The following PIGO variants were observed in gnomAD, a reference collection of about 807,000 sequenced individuals.
PIGO encodes phosphatidylinositol glycan anchor biosynthesis class O.
In PIGO, 66 loss-of-function variants were observed where a neutral mutation model predicts 86.9. The ratio of observed to expected loss-of-function variants is 0.76; its 90% CI spans 0.62 to 0.93. PIGO has a LOEUF of 0.93. Ranked by LOEUF, PIGO falls within the 40% of genes least tolerant of loss-of-function variation. The pLI is 0.00. For synonymous variants in PIGO, 570 were observed against 556.4 expected (o/e 1.02, Z -0.34); for missense variants, 1,202 against 1,359.1 (o/e 0.88, Z 1.82).
rs148186264 is a variant in PIGO at position 35,093,966 on chromosome 9, G to A, written c.714C>T (p.Gly238=). 6,197 of 1,614,138 alleles carry A rather than the reference G, an allele frequency of 3.8e-3. 15 individuals carry two copies. Among genetic ancestry groups the A allele is most frequent in the Non-Finnish European group, 4.8e-3 (5,657 of 1,180,018 alleles). The change falls in exon 4 of 11, where the codon GGC becomes GGT. Residue 238 remains glycine (G), a synonymous_variant. Coordinates refer to ENST00000378617, the MANE Select transcript of PIGO (RefSeq NM_032634.4). ...IAHFLGVDHC[G]HKHGPHHPEM... ...CAGGGTGGTGAGGGCCATGCTTGTG[G>A]CCACAGTGGTCCACACCCAGGAAGT...
In PIGO at chr9:35,091,400, C is replaced by A. The variant is rs763623508; in HGVS notation, c.2487G>T (p.Gly829=). The A allele has an allele frequency of 9.5e-5, 154 of 1,614,194 alleles. 2 individuals are homozygous for A. In the South Asian group the frequency reaches 1.6e-3, roughly 16 times the overall value. ...GPLTVAAYQL[G]SVYSAAMVTA... ...TGACCATAGCAGCTGAGTAGACACT[C>A]CCCAACTGATAAGCAGCCACAGTCA... Residue 829 remains glycine (G), a synonymous_variant, in exon 7 of 11, where the codon GGG becomes GGT. Transcript: ENST00000378617.
intron 1 of PIGO, 45 bp from the exon 2 acceptor site, chr9:35,095,611 C>T (rs1829637714): frequency 2.0e-6 from 3 of 1,469,570 alleles, no homozygotes; most frequent in African/African-American, 2.8e-5. Flanking sequence ...GGGCAAAGAA[C>T]CAGTGGATAT....
rs769616849 is a variant in PIGO, at chr9:35,093,128, C to T, written c.1021G>A (p.Gly341Arg). Residue 341 changes from glycine (G) to arginine (R), a missense_variant, in exon 6 of 11, where the codon GGG becomes AGG. Physicochemically the swap from Gly to Arg is moderately radical, Grantham distance 125. Transcript: ENST00000378617. ...LGLPIPFGNI[G>R]EVMAELFSGG... ...GAGAATAGCTCAGCCATCACTTCCCCGATATTCCCAAATGGGATGGGCAGG... is the reference window on the plus strand; with the variant it reads ...GAGAATAGCTCAGCCATCACTTCCCTGATATTCCCAAATGGGATGGGCAGG... 5.0e-6 allele frequency: 8 copies of T among 1,614,172 alleles called. No homozygotes were observed. Among genetic ancestry groups the T allele is most frequent in the Admixed American group, 3.3e-5 (2 of 60,028 alleles).
chr9:35,092,783 T>G lies in PIGO; in HGVS notation c.1120-16A>C, dbSNP rs1829494662. The G allele has an allele frequency of 1.3e-6, 2 of 1,588,934 alleles. No individual in the cohort carries two copies. The highest frequency in any genetic ancestry group is 3.5e-5 in the Admixed American group (2 of 56,348). ...ATCGGGACACCTGGCAGAGAAAAGG[T>G]CAGAGGCCAAGGGGAACAGGTCAGA... On this transcript the variant is annotated splice_polypyrimidine_tract_variant and intron_variant, in intron 6 of 10. Transcript: ENST00000378617.
At chr9:35,090,008 A>G (rs1384444208) in intron 9 of PIGO, 58 bp downstream of exon 9, 1 of 1,561,756 alleles carries the variant, frequency 6.4e-7, no homozygotes, top group Non-Finnish European at 8.7e-7. Flanking sequence ...GGTCTGAAAG[A>G]AAGTGATGCA....
In PIGO at chr9:35,094,295, T is replaced by C. The variant is rs745600085; in HGVS notation, c.576A>G (p.Lys192=). The change falls in exon 3 of 11, where the codon AAA becomes AAG. Residue 192 remains lysine, a synonymous_variant. Transcript: ENST00000378617. ...WKDLFPGAFS[K]AFFFPSFNVR... ...CATTGAAGGATGGGAAGAAGAAAGC[T>C]TTGGAGAAAGCACCAGGGAAAAGGT... The C allele has an allele frequency of 2.5e-6, 4 of 1,608,124 alleles. No individual in the cohort carries two copies. In the South Asian group the frequency reaches 4.4e-5, roughly 18 times the overall value.
chr9:35,090,525 G>C lies in PIGO; in HGVS notation c.2795C>G (p.Thr932Ser). 1.9e-6 allele frequency: 3 copies of C among 1,614,240 alleles called. No individual in the cohort carries two copies. In the South Asian group the frequency reaches 3.3e-5, roughly 18 times the overall value. ...TCCCACTAGCAAAGCAGGCAGCCAA[G>C]TACAGGAGCCATGACCCTCTGGGAA... ...VGFPEGHGSC[T>S]WLPALLVGAN... Residue 932 changes from threonine to serine, a missense_variant, in exon 8 of 11, where the codon ACT (threonine) becomes AGT (serine). Thr to Ser is a moderately conservative substitution (Grantham distance 58). Coordinates refer to ENST00000378617, the MANE Select transcript of PIGO (RefSeq NM_032634.4).
In PIGO at chr9:35,091,597, T is replaced by G; in HGVS notation, c.2290A>C (p.Thr764Pro). ...GLALLLWKPV[T>P]VLVKAGAGAP... is the part of the protein sequence containing the mutation. ...CCTGCCCCAGCCTTCACCAGCACTG[T>G]CACAGGCTTCCAGAGCAGCAGCGCG... The change falls in exon 7 of 11, where the codon ACA becomes CCA. Residue 764 changes from threonine to proline, a missense_variant. Transcript: ENST00000378617. 1 of 1,613,832 alleles carries G rather than the reference T, an allele frequency of 6.2e-7. No individual in the cohort carries two copies.
chr9:35,093,740 C>A (rs997498348), intron 4 of PIGO, 160 bp from the exon 5 acceptor site: 2 of 1,434,540 alleles, frequency 1.4e-6, no homozygotes, highest in Non-Finnish European at 1.9e-6. Flanking sequence ...GATCCTGATG[C>A]CCAAAGCTAC....
Position 35,090,110 on chromosome 9 carries a change from G to C in PIGO, c.3025C>G (p.Leu1009Val). 1 of 1,614,242 alleles carries C rather than the reference G, an allele frequency of 6.2e-7. No individual in the cohort carries two copies. Reference protein sequence around the residue: ...RDAPQHFYAALLQLGLKYLFI... With the variant: ...RDAPQHFYAAVLQLGLKYLFI... The stretch of plus-strand genomic sequence containing the variant: ...AGGTACTTGAGGCCCAGCTGCAGCA[G>C]TGCTGCATAGAAGTGCTGAGGCGCA... The change falls in exon 9 of 11, where the codon CTG becomes GTG. Residue 1009 changes from leucine (L) to valine (V), a missense_variant. Coordinates refer to ENST00000378617, the MANE Select transcript of PIGO (RefSeq NM_032634.4).
rs1829551335 is a variant in PIGO at position 35,093,921 on chromosome 9, GC to G, written c.758del (p.Ser253ThrfsTer6). 2 of 1,614,144 alleles carry G rather than the reference GC, an allele frequency of 1.2e-6. No individual in the cohort carries two copies. Among genetic ancestry groups the G allele is most frequent in the East Asian group, 4.5e-5 (2 of 44,872 alleles). ...PHHPEMAKKLSQMDQVIQGLV... is the reference protein window; with the variant it reads ...PHHPEMAKKLXQMDQVIQGLV... Reference sequence around the variant, plus strand: ...CTCACTGGATCACCTGGTCCATCTGGCTAAGTTTCTTGGCCATTTCAGGGTG... The same window carrying G: ...CTCACTGGATCACCTGGTCCATCTGGTAAGTTTCTTGGCCATTTCAGGGTG... On this transcript the variant is annotated frameshift_variant, in exon 4 of 11. Coordinates refer to ENST00000378617, the MANE Select transcript of PIGO (RefSeq NM_032634.4). LOFTEE classifies it high-confidence loss of function.
At chr9:35,090,323 G>T in intron 8 of PIGO, 43 bp from the exon 9 acceptor site, 1 of 1,595,510 alleles carries the variant, frequency 6.3e-7, no homozygotes. Context: ...AGGCCACCCT[G>T]GCTGGCTCAG....
chr9:35,090,640 C>G lies in PIGO; in HGVS notation c.2680G>C (p.Ala894Pro). The change falls in exon 8 of 11, where the codon GCT (alanine) becomes CCT (proline). Residue 894 changes from alanine (A) to proline (P), a missense_variant. By Grantham distance (27) the Ala-to-Pro change is conservative (BLOSUM62 -1). Coordinates refer to ENST00000378617, the MANE Select transcript of PIGO (RefSeq NM_032634.4). ...PFTVPWQAVSAWALMATQTFY... is the reference protein window; with the variant it reads ...PFTVPWQAVSPWALMATQTFY... ...GTCTGTGTGGCCATGAGGGCCCAAG[C>G]CGAGACTGCCTGCCATGGCACAGTA... is the stretch of plus-strand genomic sequence containing the variant. The G allele has an allele frequency of 6.2e-7, 1 of 1,614,146 alleles. No homozygotes were observed. Among genetic ancestry groups the G allele is most frequent in the Non-Finnish European group, 8.5e-7 (1 of 1,180,022 alleles).
rs1210459233 is a variant in PIGO, at chr9:35,096,175, C to T, written c.-22G>A. 2 of 152,236 alleles carry T rather than the reference C, an allele frequency of 1.3e-5. No individual in the cohort carries two copies. Among genetic ancestry groups the T allele is most frequent in the East Asian group, 1.9e-4 (1 of 5,174 alleles). The allele number at this position is 152,236 out of a possible 1,614,324, so 9.4% of individuals were successfully genotyped here. A position where few individuals can be genotyped will look rare whatever the true frequency, so the allele number is the denominator to read the frequency against. ...CTTACACGCCGTTTCTGCGCCTCTC[C>T]CCTCGCCAATCTCAATACCCAGTGG... On this transcript the variant is annotated 5_prime_UTR_variant, in exon 1 of 11. Transcript: ENST00000378617.
At chr9:35,090,910 A>G (rs1049497036) in intron 7 of PIGO, 4 of 582,274 alleles carry the variant, frequency 6.9e-6, no homozygotes, top group South Asian at 2.2e-5. Context: ...TCTCAAACAC[A>G]TACAGCTCAG....
In PIGO at chr9:35,095,470, A is replaced by C; in HGVS notation, c.96T>G (p.Arg32=). 1 of 1,613,690 alleles carries C rather than the reference A, an allele frequency of 6.2e-7. No individual in the cohort carries two copies. The highest frequency in any genetic ancestry group is 8.5e-7 in the Non-Finnish European group (1 of 1,179,898). ...AGCTGCTATGGTTGGTGAGCTCCAA[A>C]CGGGTGAGCAGGAAGCCACTGGTGA... is the stretch of plus-strand genomic sequence containing the variant. ...ALFTSGFLLT[R]LELTNHSSCQ... is the part of the protein sequence containing the mutation. The change falls in exon 2 of 11, where the codon CGT becomes CGG. Residue 32 remains arginine, a synonymous_variant. Coordinates refer to ENST00000378617, the MANE Select transcript of PIGO (RefSeq NM_032634.4).
rs774704965 is a variant in PIGO at position 35,089,394 on chromosome 9, T to C, written c.3126A>G (p.Lys1042=). 16 of 1,614,028 alleles carry C rather than the reference T, an allele frequency of 9.9e-6. No individual in the cohort carries two copies. In the South Asian group the frequency reaches 1.8e-4, roughly 18 times the overall value. ...SILRRHLMVW[K]VFAPKFIFEA... Reference sequence around the variant, plus strand: ...AATCTACTCACTTAGGGGCAAACACTTTCCAGACCATGAGATGCCTGCGAA... The same window carrying C: ...AATCTACTCACTTAGGGGCAAACACCTTCCAGACCATGAGATGCCTGCGAA... Residue 1042 remains lysine (K), a synonymous_variant, in exon 10 of 11, where the codon AAA becomes AAG. Transcript: ENST00000378617.
intron 2 of PIGO, 46 bp from the exon 3 acceptor site, chr9:35,094,405 G>A: frequency 6.4e-7 from 1 of 1,572,836 alleles, no homozygotes; most frequent in Non-Finnish European, 8.6e-7. Context: ...AAACGTCAGG[G>A]TTAGGAGAAA....
In PIGO at chr9:35,091,412, A is replaced by T. The variant is rs778680446; in HGVS notation, c.2475T>A (p.Ala825=). The T allele has an allele frequency of 1.2e-6, 2 of 1,614,214 alleles. No homozygotes were observed. Among genetic ancestry groups the T allele is most frequent in the East Asian group, 4.5e-5 (2 of 44,884 alleles). Residue 825 remains alanine (A), a synonymous_variant, in exon 7 of 11, where the codon GCT becomes GCA. Coordinates refer to ENST00000378617, the MANE Select transcript of PIGO (RefSeq NM_032634.4). Reference sequence around the variant, plus strand: ...CTGAGTAGACACTCCCCAACTGATAAGCAGCCACAGTCAGGGGACCCTGAG... The same window carrying T: ...CTGAGTAGACACTCCCCAACTGATATGCAGCCACAGTCAGGGGACCCTGAG... The part of the protein sequence containing the change: ...TKSQGPLTVA[A]YQLGSVYSAA...
Sources: allele counts gnomAD v4.1 joint callset, GRCh38; gene constraint gnomAD v4.1.1; transcripts MANE v1.5; gene names NCBI Gene and HGNC (gene_info 2026-07-23, HGNC 2026-07-21).